The following METTL14 variants were observed in gnomAD, a reference collection of about 807,000 sequenced individuals.
METTL14 encodes methyltransferase 14, N6-adenosine-methyltransferase non-catalytic subunit, also known as N(6)-adenosine-methyltransferase non-catalytic subunit METTL14.
Under a neutral mutation model 62.4 loss-of-function variants are expected in METTL14, and 32 were observed. The ratio of observed to expected loss-of-function variants is 0.51; its 90% CI spans 0.39 to 0.69. The LOEUF is 0.69. Among genes scored for constraint, METTL14 ranks in the 30% least tolerant of loss-of-function variants. METTL14 has a pLI of 0.00. For missense variants in METTL14, 340 were observed against 551.9 expected (o/e 0.62, Z 3.85); for synonymous variants, 150 against 180.0 (o/e 0.83, Z 1.34).
At chr4:118,708,849 G>A (rs1054832905) in intron 10 of METTL14, among the ~76,000 whole-genome samples, 1 of 152,090 alleles carries the variant, frequency 6.6e-6, no homozygotes, top group Non-Finnish European at 1.5e-5. Flanking sequence ...ATATTTTCAG[G>A]GTCCCCTACA....
In METTL14 at chr4:118,685,481, G is replaced by C. The variant is rs1724015635; in HGVS notation, c.-54G>C. ...CAGACTCGGAAGAAAGGTTGGATAA[G>C]AGTTCACTGGAGATTGACAAGTACT... On this transcript the variant is annotated 5_prime_UTR_variant, in exon 1 of 11. Transcript: ENST00000388822. The C allele has an allele frequency of 1.3e-6, 2 of 1,526,118 alleles. No homozygotes were observed. The highest frequency in any genetic ancestry group is 1.8e-6 in the Non-Finnish European group (2 of 1,099,766). 94.5% of individuals were successfully genotyped at this position (1,526,118 alleles called of 1,614,324 possible).
intron 8 of METTL14, among the ~76,000 whole-genome samples, chr4:118,702,971 A>ATTATTATTG (rs531667576): frequency 4.4e-4 from 64 of 144,894 alleles, no homozygotes; most frequent in African/African-American, 1.5e-3. Context: ...TATTATTATT[A>ATTATTATTG]TTATTATACT....
chr4:118,698,913 C>T (rs1724508001), intron 7 of METTL14, among the ~76,000 whole-genome samples: 1 of 151,984 alleles, frequency 6.6e-6, no homozygotes, highest in African/African-American at 2.4e-5. Context: ...GGGATCGTGT[C>T]TCAGGATAAA....
chr4:118,695,075 G>T (rs1334547616), intron 6 of METTL14, among the ~76,000 whole-genome samples: 3 of 150,608 alleles, frequency 2.0e-5, no homozygotes, highest in African/African-American at 7.3e-5. Context: ...TGGGTGATTT[G>T]CCCCCCTCAA....
intron 7 of METTL14, among the ~76,000 whole-genome samples, chr4:118,700,266 A>AT (rs1724548813): frequency 2.0e-5 from 3 of 152,188 alleles, no homozygotes; most frequent in Non-Finnish European, 4.4e-5. Context: ...ATCTTAAAAG[A>AT]TTGCATAAGT....
chr4:118,687,860 A>G, intron 1 of METTL14, 63 bp from the exon 2 acceptor site: 2 of 1,353,054 alleles, frequency 1.5e-6, no homozygotes, highest in Non-Finnish European at 2.1e-6. Flanking sequence ...AAATGCTGCT[A>G]CAAATGCCCA....
chr4:118,698,543 C>T (rs1024385915), intron 7 of METTL14, among the ~76,000 whole-genome samples: 9 of 150,592 alleles, frequency 6.0e-5, no homozygotes, highest in East Asian at 1.9e-4. Context: ...GATGAAGGGA[C>T]GCTGAATTAG....
chr4:118,696,241 A>G (rs1298415724), intron 6 of METTL14, among the ~76,000 whole-genome samples: 1 of 151,682 alleles, frequency 6.6e-6, no homozygotes, highest in Admixed American at 6.6e-5. Flanking sequence ...TTTAAAATAC[A>G]CCTTTACTTT....
At chr4:118,689,298 TTTATTA>T (rs1425698885) in intron 2 of METTL14, 66 bp from the exon 3 acceptor site, 1 of 749,492 alleles carries the variant, frequency 1.3e-6, no homozygotes, top group Non-Finnish European at 2.1e-6. Context: ...TTATAACCTG[TTTATTA>T]TTATTAATAG....
Position 118,694,539 on chromosome 4 carries a change from A to C in METTL14, c.503+13A>C. The C allele has an allele frequency of 1.3e-6, 2 of 1,580,512 alleles. No individual in the cohort carries two copies. Among genetic ancestry groups the C allele is most frequent in the Non-Finnish European group, 1.7e-6 (2 of 1,150,560 alleles). On this transcript the variant is annotated intron_variant, in intron 6 of 10. Transcript: ENST00000388822. ...ACACTCCTCCCATGTAAGTGTTTTT[A>C]TTCAATTACTGTTTATTCCCAACTC...
rs755374949 is a variant in METTL14, at chr4:118,714,596, A to T, written c.*4294A>T. ...ATACCACATGCATATTTTCTTTTTT[A>T]TTTTTATTTTTTGAGACAGAGTCTC... On this transcript the variant is annotated 3_prime_UTR_variant, in exon 11 of 11. Coordinates refer to ENST00000388822, the MANE Select transcript of METTL14 (RefSeq NM_020961.4). The T allele has an allele frequency of 6.6e-6, 1 of 152,082 alleles. No individual in the cohort carries two copies. The highest frequency in any genetic ancestry group is 2.4e-5 in the African/African-American group (1 of 41,424). The allele number at this position is 152,082 out of a possible 1,614,324, so 9.4% of individuals were successfully genotyped here.
chr4:118,698,230 G>A (rs1724476940), intron 7 of METTL14, among the ~76,000 whole-genome samples: 1 of 151,876 alleles, frequency 6.6e-6, no homozygotes, highest in African/African-American at 2.4e-5. Flanking sequence ...CGAGGAGGGT[G>A]GATCACGAGG....
At chr4:118,709,651 C>A (rs1194515829) in intron 10 of METTL14, among the ~76,000 whole-genome samples, 1 of 152,036 alleles carries the variant, frequency 6.6e-6, no homozygotes, top group Non-Finnish European at 1.5e-5. Context: ...AAAATGGCAC[C>A]ATTTACATAA....
At position 118,713,820 on chromosome 4, in the gene METTL14, T is replaced by C. The variant is rs1486885042; in HGVS notation, c.*3518T>C. The C allele has an allele frequency of 2.6e-5, 4 of 152,246 alleles. No individual in the cohort carries two copies. Among genetic ancestry groups the C allele is most frequent in the African/African-American group, 9.6e-5 (4 of 41,468 alleles). The allele number at this position is 152,246 out of a possible 1,614,324, so 9.4% of individuals were successfully genotyped here. On this transcript the variant is annotated 3_prime_UTR_variant, in exon 11 of 11. Coordinates refer to ENST00000388822, the MANE Select transcript of METTL14 (RefSeq NM_020961.4). ...CTGACTCCATTGAAGACTTCATTTCTGGAAATACCACATTGCTTCTGCTCT... is the reference window on the plus strand; with the variant it reads ...CTGACTCCATTGAAGACTTCATTTCCGGAAATACCACATTGCTTCTGCTCT...
chr4:118,692,331 C>T (rs571060615), intron 5 of METTL14, among the ~76,000 whole-genome samples: 1 of 150,948 alleles, frequency 6.6e-6, no homozygotes, highest in Non-Finnish European at 1.5e-5. Flanking sequence ...CAGATTCGAG[C>T]GATTCTCCTG....
chr4:118,709,249 G>A (rs1207229484), intron 10 of METTL14, among the ~76,000 whole-genome samples: 1 of 152,110 alleles, frequency 6.6e-6, no homozygotes, highest in Non-Finnish European at 1.5e-5. Context: ...AATGAGAAAT[G>A]TTATTGGAAA....
chr4:118,686,804 A>C (rs1283103002), intron 1 of METTL14: 1 of 354,950 alleles, frequency 2.8e-6, no homozygotes. Flanking sequence ...TTATTTGTTT[A>C]GTGTTTTACA....
intron 3 of METTL14, among the ~76,000 whole-genome samples, chr4:118,689,987 A>G (rs1222147247): frequency 6.8e-6 from 1 of 146,786 alleles, no homozygotes; most frequent in Non-Finnish European, 1.5e-5. Flanking sequence ...GAGGTTATAT[A>G]TATGAGGCAC....
intron 3 of METTL14, among the ~76,000 whole-genome samples, 165 bp from the exon 4 acceptor site, chr4:118,691,367 C>G (rs1018328964): frequency 6.6e-6 from 1 of 151,974 alleles, no homozygotes; most frequent in African/African-American, 2.4e-5. Context: ...AATCAGCTAG[C>G]TAGATCTAAT....
Sources: allele counts gnomAD v4.1 joint callset (sites outside exome capture counted in the v4.1 genomes callset), GRCh38; gene constraint gnomAD v4.1.1; transcripts MANE v1.5; gene names NCBI Gene and HGNC (gene_info 2026-07-23, HGNC 2026-07-21).